The following TTC28 variants were observed in gnomAD, a reference collection of about 807,000 sequenced individuals.
TTC28 encodes the protein tetratricopeptide repeat domain 28, also known as tetratricopeptide repeat protein 28.
A neutral mutation model predicts 198.0 loss-of-function variants in TTC28; 61 were observed. The observed-to-expected ratio is 0.31, with a 90% CI of 0.25 to 0.38. TTC28 has a LOEUF of 0.38. Among genes scored for constraint, TTC28 ranks in the 10% least tolerant of loss-of-function variants. TTC28 has a pLI of 1.00. For synonymous variants in TTC28, 1,171 were observed against 1,297.8 expected (o/e 0.90, Z 2.10); for missense variants, 2,678 against 3,164.0 (o/e 0.85, Z 3.69).
At chr22:28,117,000 T>C (rs1166073155) in intron 6 of TTC28, among the ~76,000 whole-genome samples, 1 of 152,240 alleles carries the variant, frequency 6.6e-6, no homozygotes, top group Non-Finnish European at 1.5e-5. Context: ...CAATGCTCCC[T>C]GCTATCTGGA....
intron 2 of TTC28, among the ~76,000 whole-genome samples, chr22:28,451,561 C>A (rs1178575798): frequency 2.6e-5 from 4 of 152,144 alleles, no homozygotes; most frequent in Non-Finnish European, 5.9e-5. Context: ...CAAATAACAT[C>A]TTTTATTCAA....
In TTC28 at chr22:28,558,532, G is replaced by A. The variant is rs369698264; in HGVS notation, c.381+71020C>T. Among the ~76,000 whole-genome samples, 16 of 152,190 alleles carry A rather than the reference G, an allele frequency of 1.1e-4. No individual in the cohort carries two copies. In the South Asian group the frequency reaches 1.5e-3, roughly 14 times the overall value. ...CTACTAAAAATACAAAATATTAGCC[G>A]GGCATGGTGGCGCATGCCTGTAATC... On this transcript the variant is annotated intron_variant, in intron 2 of 22. Coordinates refer to ENST00000397906, the MANE Select transcript of TTC28 (RefSeq NM_001145418.2).
chr22:28,578,537 A>T (rs1342642403), intron 2 of TTC28, among the ~76,000 whole-genome samples: 1 of 152,192 alleles, frequency 6.6e-6, no homozygotes, highest in Non-Finnish European at 1.5e-5. Flanking sequence ...CACTACAGGA[A>T]CACCAAACTG....
intron 2 of TTC28, among the ~76,000 whole-genome samples, chr22:28,609,691 T>G (rs181322715): frequency 5.3e-4 from 81 of 152,126 alleles, no homozygotes; most frequent in African/African-American, 1.3e-3. Context: ...TTGTTTGTTT[T>G]TTTTTTTCCA....
At chr22:28,155,054 G>A (rs1054085711) in intron 6 of TTC28, among the ~76,000 whole-genome samples, 4 of 152,076 alleles carry the variant, frequency 2.6e-5, no homozygotes, top group South Asian at 2.1e-4. Flanking sequence ...GGATTCCCCC[G>A]ACCCTCTGTG....
intron 12 of TTC28, among the ~76,000 whole-genome samples, chr22:28,041,255 A>G (rs1450162800): frequency 2.0e-5 from 3 of 152,346 alleles, no homozygotes; most frequent in Middle Eastern, 3.4e-3. Flanking sequence ...ATGGAACCAA[A>G]GAAGAGCCTG....
intron 2 of TTC28, among the ~76,000 whole-genome samples, chr22:28,372,182 G>A (rs2046348636): frequency 6.6e-6 from 1 of 152,080 alleles, no homozygotes; most frequent in South Asian, 2.1e-4. Flanking sequence ...ACTCTGAATT[G>A]ATCATCCACA....
intron 5 of TTC28, among the ~76,000 whole-genome samples, chr22:28,189,604 T>C (rs1924540118): frequency 6.6e-6 from 1 of 150,706 alleles, no homozygotes; most frequent in Non-Finnish European, 1.5e-5. Flanking sequence ...TTCTGTGAAA[T>C]TTCAGGTCAC....
At chr22:28,286,613 T>C (rs1421209514) in intron 5 of TTC28, among the ~76,000 whole-genome samples, 1 of 152,172 alleles carries the variant, frequency 6.6e-6, no homozygotes, top group Non-Finnish European at 1.5e-5. Flanking sequence ...TTAAATCTTT[T>C]ACATCAATAA....
Position 28,014,272 on chromosome 22 carries a change from G to A in TTC28, c.4194C>T (p.Asp1398=), listed in dbSNP as rs1193096733. Residue 1398 remains aspartate (D), a synonymous_variant, in exon 14 of 23, where the codon GAC becomes GAT. Transcript: ENST00000397906. ...FAKPPLRALY[D]LLIAPMEGGL... ...CCCCTTCCATGGGCGCGATGAGCAG[G>A]TCATACAGGGCACGGAGCGGGGGCT... 1 of 1,551,526 alleles carries A rather than the reference G, an allele frequency of 6.4e-7. No homozygotes were observed. Among genetic ancestry groups the A allele is most frequent in the South Asian group, 1.2e-5 (1 of 84,038 alleles).
intron 1 of TTC28, among the ~76,000 whole-genome samples, chr22:28,640,500 G>A (rs1035272091): frequency 4.6e-5 from 7 of 151,480 alleles, no homozygotes; most frequent in Non-Finnish European, 8.8e-5. Context: ...ATAGCTTTCA[G>A]ACTTTCATTC....
At chr22:28,457,014 T>G (rs1012296301) in intron 2 of TTC28, among the ~76,000 whole-genome samples, 36 of 152,262 alleles carry the variant, frequency 2.4e-4, no homozygotes, top group African/African-American at 8.7e-4. Flanking sequence ...TTTATGGGCA[T>G]GTACTGATGC....
At chr22:28,385,195 G>C (rs1569295850) in intron 2 of TTC28, among the ~76,000 whole-genome samples, 1 of 149,664 alleles carries the variant, frequency 6.7e-6, no homozygotes, top group African/African-American at 2.5e-5. Flanking sequence ...GTCATTTCCA[G>C]CTATGTGACC....
At chr22:28,026,910 C>T (rs1174130684) in intron 13 of TTC28, among the ~76,000 whole-genome samples, 2 of 152,208 alleles carry the variant, frequency 1.3e-5, no homozygotes, top group Admixed American at 6.5e-5. Flanking sequence ...CAGGAAACTT[C>T]TCTGGGATAC....
At chr22:28,506,241 G>A (rs1340270792) in intron 2 of TTC28, among the ~76,000 whole-genome samples, 2 of 150,118 alleles carry the variant, frequency 1.3e-5, no homozygotes, top group Admixed American at 1.3e-4. Context: ...GAACACAGAC[G>A]GTCTGGATGA....
chr22:28,678,062 C>A (rs1454089682), intron 1 of TTC28, among the ~76,000 whole-genome samples: 2 of 152,096 alleles, frequency 1.3e-5, no homozygotes, highest in Non-Finnish European at 2.9e-5. Flanking sequence ...TTTGCTTTGT[C>A]ATAAATGTAG....
At chr22:28,001,019 C>G (rs2146547340) in intron 15 of TTC28, 1 of 200,188 alleles carries the variant, frequency 5.0e-6, no homozygotes, top group East Asian at 1.0e-4. Flanking sequence ...GCTCTGCCCA[C>G]TGGGCATCGT....
At chr22:28,294,696 G>A (rs769938051) in intron 5 of TTC28, among the ~76,000 whole-genome samples, 8 of 151,646 alleles carry the variant, frequency 5.3e-5, no homozygotes, top group Non-Finnish European at 2.9e-5. Flanking sequence ...AGCCTCCCAA[G>A]TAGCTGGGAT....
rs1018529492 is a variant in TTC28 at position 28,005,107 on chromosome 22, G to C, written c.4219-3554C>G. Among the ~76,000 whole-genome samples the C allele has an allele frequency of 1.3e-5, 2 of 152,212 alleles. No homozygotes were observed. The highest frequency in any genetic ancestry group is 2.9e-5 in the Non-Finnish European group (2 of 68,048). On this transcript the variant is annotated intron_variant, in intron 14 of 22. Transcript: ENST00000397906. The surrounding 1 kb of genome is among the most constrained non-coding windows in gnomAD (Gnocchi z 4.9). ...CTGAAAGCAGAAGATGACAGGGCCA[G>C]GTGCACTAGAATCTGTCTCTTCCCC...
Sources: allele counts gnomAD v4.1 joint callset (sites outside exome capture counted in the v4.1 genomes callset), GRCh38; gene constraint gnomAD v4.1.1; non-coding constraint Gnocchi (gnomAD v3.1); transcripts MANE v1.5; gene names NCBI Gene and HGNC (gene_info 2026-07-23, HGNC 2026-07-21).